The following DST variants were observed in gnomAD, a reference collection of about 807,000 sequenced individuals.
DST encodes the protein dystonin, also known as bullous pemphigoid antigen.
A neutral mutation model predicts 875.2 loss-of-function variants in DST; 253 were observed. The ratio of observed to expected loss-of-function variants is 0.29; its 90% CI spans 0.26 to 0.32. The LOEUF (loss-of-function observed/expected upper bound fraction) is 0.32. Among genes scored for constraint, DST ranks in the 10% least tolerant of loss-of-function variants. The pLI is 1.00. For missense variants in DST, 8,287 were observed against 9,111.6 expected (o/e 0.91, Z 3.68); for synonymous variants, 3,124 against 3,197.1 (o/e 0.98, Z 0.77).
intron 10 of DST, 92 bp downstream of exon 10, chr6:56,670,549 G>C (rs1563582738): frequency 1.0e-6 from 1 of 991,088 alleles, no homozygotes; most frequent in Non-Finnish European, 1.4e-6. Flanking sequence ...CCATGCTTTT[G>C]CTTCTATAAT....
intron 61 of DST, among the ~76,000 whole-genome samples, chr6:56,549,786 G>C: frequency 6.6e-6 from 1 of 152,166 alleles, no homozygotes; most frequent in East Asian, 1.9e-4. Flanking sequence ...CTGGGTATTC[G>C]GGCTGTCTAA....
At chr6:56,936,148 G>T (rs1400395726) in intron 2 of DST, among the ~76,000 whole-genome samples, 1 of 152,120 alleles carries the variant, frequency 6.6e-6, no homozygotes, top group Non-Finnish European at 1.5e-5. Flanking sequence ...TTTCTAAAGG[G>T]TAAATAAATA....
intron 2 of DST, among the ~76,000 whole-genome samples, chr6:56,948,645 C>G (rs771704918): frequency 4.6e-5 from 7 of 152,198 alleles, no homozygotes; most frequent in Non-Finnish European, 7.3e-5. Flanking sequence ...GAAGAGGGGA[C>G]TACTGTACTT....
chr6:56,712,228 T>C (rs919044729), intron 5 of DST, among the ~76,000 whole-genome samples: 18 of 152,202 alleles, frequency 1.2e-4, no homozygotes, highest in Non-Finnish European at 2.2e-4. Flanking sequence ...TCATTACTTA[T>C]ATAAATCTTT....
chr6:56,619,978 G>T (rs895735714), intron 36 of DST: 1 of 1,613,836 alleles, frequency 6.2e-7, no homozygotes, highest in Non-Finnish European at 8.5e-7. Context: ...GTTCTTGCTG[G>T]AGACCCGTTA....
intron 61 of DST, among the ~76,000 whole-genome samples, chr6:56,547,401 T>C (rs1394330751): frequency 6.6e-6 from 1 of 152,204 alleles, no homozygotes; most frequent in Non-Finnish European, 1.5e-5. Context: ...ATAAAAGCCA[T>C]GCATCTAGTT....
At chr6:56,903,884 A>T (rs1236931173) in intron 2 of DST, among the ~76,000 whole-genome samples, 3 of 152,190 alleles carry the variant, frequency 2.0e-5, no homozygotes, top group Non-Finnish European at 4.4e-5. Flanking sequence ...TACTTGTACT[A>T]TTTTAAAATA....
At chr6:56,574,002 A>G in intron 50 of DST, 115 bp from the exon 51 acceptor site, 1 of 724,328 alleles carries the variant, frequency 1.4e-6, no homozygotes. Context: ...AAAAATAAAA[A>G]GTTCAATGAT....
At chr6:56,521,358 AT>A (rs2096697955) in intron 69 of DST, among the ~76,000 whole-genome samples, 2 of 151,954 alleles carry the variant, frequency 1.3e-5, no homozygotes, top group African/African-American at 4.8e-5. Context: ...GAAAAAAAAA[AT>A]AAAGTAATAC....
chr6:56,596,524 C>T (rs1332480899), intron 47 of DST, among the ~76,000 whole-genome samples: 1 of 152,132 alleles, frequency 6.6e-6, no homozygotes, highest in Non-Finnish European at 1.5e-5. Context: ...TCACAATGTT[C>T]CTTTAGGAAT....
At position 56,529,752 on chromosome 6, in the gene DST, T is replaced by C. The variant is rs1469921690; in HGVS notation, c.17291A>G (p.Asn5764Ser). The change falls in exon 66 of 104, where the codon AAT (asparagine) becomes AGT (serine). Residue 5764 changes from asparagine to serine, a missense_variant. Physicochemically the swap from Asn to Ser is conservative, Grantham distance 46 (BLOSUM62 1). Coordinates refer to ENST00000680361, the MANE Select transcript of DST (RefSeq NM_001374736.1). ...QHKALEDDII[N>S]HNKHLHQAVS... Reference sequence around the variant, plus strand: ...AGCCTGGTGTAAATGTTTATTGTGATTGATGATGTCATCTTCTAAGGCCTA... The same window carrying C: ...AGCCTGGTGTAAATGTTTATTGTGACTGATGATGTCATCTTCTAAGGCCTA... 3 of 1,588,726 alleles carry C rather than the reference T, an allele frequency of 1.9e-6. No individual in the cohort carries two copies. Among genetic ancestry groups the C allele is most frequent in the African/African-American group, 2.7e-5 (2 of 73,920 alleles).
rs934222974 is a variant in DST, at chr6:56,463,701, C to T, written c.22823G>A (p.Gly7608Asp). Residue 7608 changes from glycine (G) to aspartate (D), a missense_variant, in exon 101 of 104, where the codon GGT becomes GAT. Physicochemically the swap from Gly to Asp is moderately conservative, Grantham distance 94. Around this residue, in one of 10 missense-constraint regions of DST, gnomAD observed 64 missense variants for 86.2 expected, o/e 0.74. Transcript: ENST00000680361. The part of the protein sequence containing the change: ...KFILADGASQ[G>D]MAAFRPRGRR... ...GCCTCGGGGTCGGAAAGCAGCCATA[C>T]CCTGGCTGGCACCATCTGCTAAAAT... is the stretch of plus-strand genomic sequence containing the variant. 3 of 1,613,842 alleles carry T rather than the reference C, an allele frequency of 1.9e-6. No individual in the cohort carries two copies. Among genetic ancestry groups the T allele is most frequent in the Admixed American group, 1.7e-5 (1 of 60,000 alleles).
At chr6:56,937,202 T>G (rs548301931) in intron 2 of DST, among the ~76,000 whole-genome samples, 1 of 152,202 alleles carries the variant, frequency 6.6e-6, no homozygotes, top group South Asian at 2.1e-4. Flanking sequence ...TTTTTAACTT[T>G]GCACTTAAAA....
intron 15 of DST, chr6:56,643,062 G>A: frequency 1.8e-6 from 1 of 545,936 alleles, no homozygotes; most frequent in Non-Finnish European, 3.0e-6. Context: ...GAACAAAGCA[G>A]GCAGATTGGG....
chr6:56,945,138 G>T (rs1055797919), intron 2 of DST, among the ~76,000 whole-genome samples: 5 of 152,214 alleles, frequency 3.3e-5, no homozygotes, highest in African/African-American at 1.2e-4. Context: ...CCCATTTTAA[G>T]TTGGGTTTTC....
At chr6:56,713,150 T>C (rs1343888882) in intron 5 of DST, among the ~76,000 whole-genome samples, 1 of 151,904 alleles carries the variant, frequency 6.6e-6, no homozygotes, top group Non-Finnish European at 1.5e-5. Flanking sequence ...TGTAGGGGAG[T>C]AGCACTGCAG....
chr6:56,879,331 A>C (rs9475740), intron 3 of DST, among the ~76,000 whole-genome samples: 44,828 of 151,936 alleles, frequency 0.3, 8,649 homozygotes, highest in African/African-American at 0.56. Flanking sequence ...ATTAGCCAGG[A>C]GCGGTGGCAG....
intron 4 of DST, among the ~76,000 whole-genome samples, chr6:56,769,452 G>A (rs1269704300): frequency 6.6e-6 from 1 of 152,178 alleles, no homozygotes; most frequent in Non-Finnish European, 1.5e-5. Flanking sequence ...AATGATGTGA[G>A]AAGAGGAAGG....
rs888297055 is a variant in DST at position 56,716,178 on chromosome 6, G to A, written c.688-11809C>T. 2.6e-5 allele frequency among the ~76,000 whole-genome samples: 4 copies of A among 152,090 alleles called. No homozygotes were observed. In the East Asian group the frequency reaches 5.8e-4, roughly 22 times the overall value. ...AAATTTCAAGACTGAATAATGAATC[G>A]TAAAACAAAACACTTTCAATAAAAA... On this transcript the variant is annotated intron_variant, in intron 5 of 103. Coordinates refer to ENST00000680361, the MANE Select transcript of DST (RefSeq NM_001374736.1).
Sources: allele counts gnomAD v4.1 joint callset (sites outside exome capture counted in the v4.1 genomes callset), GRCh38; gene constraint gnomAD v4.1.1; regional missense constraint gnomAD v4.1.1; transcripts MANE v1.5; gene names NCBI Gene and HGNC (gene_info 2026-07-23, HGNC 2026-07-21).